Variants in GNAL observed in about 807,000 individuals in gnomAD.
GNAL encodes the protein guanine nucleotide-binding protein G(olf) subunit alpha.
In GNAL, 18 loss-of-function variants were observed where a neutral mutation model predicts 55.1. The ratio of observed to expected loss-of-function variants is 0.33; its 90% CI spans 0.23 to 0.48. GNAL has a LOEUF of 0.48. GNAL is among the 20% of genes least tolerant of loss of function. The pLI, the probability that GNAL is intolerant of heterozygous loss-of-function variation, is 0.99. For synonymous variants in GNAL, 253 were observed against 237.0 expected (o/e 1.07, Z -0.62); for missense variants, 412 against 614.1 (o/e 0.67, Z 3.48).
At position 11,868,504 on chromosome 18, in the gene GNAL, A is replaced by G; in HGVS notation, c.911-39A>G. ...ACTTTCTTGTAACTCCACAGTGAGG[A>G]TGTCTAACTGAGGTGCTTTCCTTTT... is the stretch of plus-strand genomic sequence containing the variant. On this transcript the variant is annotated intron_variant, in intron 8 of 11. Transcript: ENST00000334049. This position sits in a 1 kb window ranked among gnomAD's most constrained non-coding sequence, Gnocchi z 4.0. The G allele has an allele frequency of 6.4e-7, 1 of 1,572,552 alleles. No individual in the cohort carries two copies. Among genetic ancestry groups the G allele is most frequent in the South Asian group, 1.1e-5 (1 of 87,160 alleles).
intron 5 of GNAL, 55 bp from the exon 6 acceptor site, chr18:11,862,340 C>G: frequency 2.8e-6 from 4 of 1,427,284 alleles, no homozygotes; most frequent in Non-Finnish European, 4.0e-6. Flanking sequence ...TCTCCCCAAC[C>G]CCAGGGGAAA....
rs935033846 is a variant in GNAL, at chr18:11,761,301, A to C, written c.624+7356A>C. 3.3e-5 allele frequency among the ~76,000 whole-genome samples: 5 copies of C among 152,122 alleles called. No individual in the cohort carries two copies. In the South Asian group the frequency reaches 6.2e-4, roughly 19 times the overall value. ...AGCCCTCCTGGGAGAAGGCACCCCT[A>C]GTTTTCCCCAAAGGAAGTGAGGCCC... is the stretch of plus-strand genomic sequence containing the variant. On this transcript the variant is annotated intron_variant, in intron 4 of 11. Transcript: ENST00000334049.
chr18:11,764,939 A>G (rs1055602897), intron 4 of GNAL, among the ~76,000 whole-genome samples: 1 of 152,244 alleles, frequency 6.6e-6, no homozygotes, highest in Non-Finnish European at 1.5e-5. Context: ...AATGGTTAAA[A>G]GTTGTTTTAC....
chr18:11,690,711 T>C (rs7233249), intron 1 of GNAL, among the ~76,000 whole-genome samples: 2,348 of 150,440 alleles, frequency 0.016, 61 homozygotes, highest in African/African-American at 0.054. Context: ...TATGCGGTGT[T>C]TGGTTTTTTG....
chr18:11,822,644 C>A (rs566009020), intron 4 of GNAL, among the ~76,000 whole-genome samples: 1 of 152,206 alleles, frequency 6.6e-6, no homozygotes, highest in East Asian at 1.9e-4. Context: ...AGATCAATTT[C>A]TCAACCCTCT....
Position 11,801,547 on chromosome 18 carries a change from G to C in GNAL, c.625-23371G>C, listed in dbSNP as rs577564499. ...AGGTCCCGTTGGAGGATTTTGAGTG[G>C]AGGAGGGGCCCTAGCTGACCTACAC... is the stretch of plus-strand genomic sequence containing the variant. On this transcript the variant is annotated intron_variant, in intron 4 of 11. Coordinates refer to ENST00000334049, the MANE Select transcript of GNAL (RefSeq NM_182978.4). 3.9e-5 allele frequency among the ~76,000 whole-genome samples: 6 copies of C among 152,264 alleles called. No homozygotes were observed. The East Asian group carries it at 1.2e-3, about 29-fold the overall frequency.
At chr18:11,716,064 A>G (rs2031956724) in intron 1 of GNAL, among the ~76,000 whole-genome samples, 1 of 152,224 alleles carries the variant, frequency 6.6e-6, no homozygotes, top group South Asian at 2.1e-4. Context: ...AGTGTAAATT[A>G]GTTTAACCAT....
At chr18:11,872,974 C>T (rs934385203) in intron 10 of GNAL, among the ~76,000 whole-genome samples, 1 of 152,198 alleles carries the variant, frequency 6.6e-6, no homozygotes, top group Non-Finnish European at 1.5e-5. Flanking sequence ...GCAGGGCCAG[C>T]AGCCATCCCA....
intron 6 of GNAL, among the ~76,000 whole-genome samples, chr18:11,864,148 G>A (rs1280241166): frequency 2.0e-5 from 3 of 148,004 alleles, no homozygotes; most frequent in Non-Finnish European, 4.4e-5. Flanking sequence ...ATGCAATGGC[G>A]CGATCTCAGC....
intron 1 of GNAL, chr18:11,746,609 TA>T (rs1375714586): frequency 2.4e-4 from 59 of 245,972 alleles, no homozygotes; most frequent in East Asian, 4.1e-4. Context: ...ACCCTGTGTC[TA>T]AAAAAAAGAA....
At chr18:11,878,192 T>C (rs893432648) in intron 11 of GNAL, among the ~76,000 whole-genome samples, 1 of 152,224 alleles carries the variant, frequency 6.6e-6, no homozygotes, top group African/African-American at 2.4e-5. Flanking sequence ...TGCTCATGGA[T>C]GTAATCCCAA....
rs1013559748 is a variant in GNAL at position 11,881,397 on chromosome 18, G to T, written c.*262G>T. Reference sequence around the variant, plus strand: ...CACTGCAGCAGAATCTCTCCGGGTGGGAGCCCCATTATTCATTCTCCCTTT... The same window carrying T: ...CACTGCAGCAGAATCTCTCCGGGTGTGAGCCCCATTATTCATTCTCCCTTT... On this transcript the variant is annotated 3_prime_UTR_variant, in exon 12 of 12. Coordinates refer to ENST00000334049, the MANE Select transcript of GNAL (RefSeq NM_182978.4). This position sits in a 1 kb window ranked among gnomAD's most constrained non-coding sequence, Gnocchi z 4.8. 7 of 401,720 alleles carry T rather than the reference G, an allele frequency of 1.7e-5. No individual in the cohort carries two copies. Among genetic ancestry groups the T allele is most frequent in the African/African-American group, 6.0e-5 (3 of 49,750 alleles). The allele number at this position is 401,720 out of a possible 1,614,324, so 24.9% of individuals were successfully genotyped here. A position where few individuals can be genotyped will look rare whatever the true frequency, so the allele number is the denominator to read the frequency against.
At chr18:11,756,129 C>T (rs1407856283) in intron 4 of GNAL, among the ~76,000 whole-genome samples, 6 of 152,138 alleles carry the variant, frequency 3.9e-5, no homozygotes, top group Admixed American at 3.9e-4. Flanking sequence ...AACAGTCTCA[C>T]GGTTGATGAG....
chr18:11,861,671 G>C (rs922711676), intron 5 of GNAL, among the ~76,000 whole-genome samples: 1 of 152,142 alleles, frequency 6.6e-6, no homozygotes, highest in Non-Finnish European at 1.5e-5. Flanking sequence ...GAGGGAGCTC[G>C]GCGGCCTCCC....
In GNAL at chr18:11,752,328, G is replaced by C; in HGVS notation, c.377-525G>C. 1 of 1,478,522 alleles carries C rather than the reference G, an allele frequency of 6.8e-7. No homozygotes were observed. The allele number at this position is 1,478,522 out of a possible 1,614,324, so 91.6% of individuals were successfully genotyped here. ...CGAAGAGACCAGACCATCTCTTTCA[G>C]CAGCAGGAAAGAGAGGAGCCGTCGC... is the stretch of plus-strand genomic sequence containing the variant. On this transcript the variant is annotated intron_variant, in intron 1 of 11. Transcript: ENST00000334049. This position sits in a 1 kb window ranked among gnomAD's most constrained non-coding sequence, Gnocchi z 4.5.
intron 4 of GNAL, among the ~76,000 whole-genome samples, chr18:11,816,328 G>C (rs1043000666): frequency 1.3e-5 from 2 of 151,838 alleles, no homozygotes; most frequent in South Asian, 2.1e-4. Flanking sequence ...ACCGAGTCTT[G>C]CTCTGTCACC....
intron 5 of GNAL, among the ~76,000 whole-genome samples, chr18:11,836,805 C>T (rs1219296903): frequency 6.6e-6 from 1 of 152,190 alleles, no homozygotes; most frequent in East Asian, 1.9e-4. Context: ...CACTGCCAGC[C>T]ACTGAATGAC....
At chr18:11,777,240 A>G (rs1056014688) in intron 4 of GNAL, among the ~76,000 whole-genome samples, 2 of 152,206 alleles carry the variant, frequency 1.3e-5, no homozygotes, top group African/African-American at 4.8e-5. Context: ...CGGTATCATT[A>G]CTGCTCATGT....
chr18:11,868,265 A>C lies in GNAL; in HGVS notation c.911-278A>C, dbSNP rs1261818686. ...CAGTGAGCCAAGATCATGCCATTGC[A>C]CTCCAGCCTGGGAGACAAGAGTGAA... On this transcript the variant is annotated intron_variant, in intron 8 of 11. Transcript: ENST00000334049. The surrounding 1 kb of genome is among the most constrained non-coding windows in gnomAD (Gnocchi z 4.0). Among the ~76,000 whole-genome samples the C allele has an allele frequency of 6.6e-6, 1 of 151,796 alleles. No individual in the cohort carries two copies. Among genetic ancestry groups the C allele is most frequent in the Non-Finnish European group, 1.5e-5 (1 of 67,976 alleles).
Sources: gnomAD v4.1 joint callset for allele counts (sites outside exome capture counted in the v4.1 genomes callset) on GRCh38, gnomAD v4.1.1 for gene constraint, Gnocchi (gnomAD v3.1) non-coding constraint, MANE v1.5 for transcripts, NCBI Gene and HGNC (gene_info 2026-07-23, HGNC 2026-07-21) for gene names.